The following CACNG8 variants were observed in gnomAD, a reference collection of about 807,000 sequenced individuals.
CACNG8 encodes calcium voltage-gated channel auxiliary subunit gamma 8, also known as voltage-dependent calcium channel gamma-8 subunit.
CACNG8 carries 5 observed loss-of-function variants against 26.9 expected under a neutral mutation model. The ratio of observed to expected loss-of-function variants is 0.19; its 90% CI spans 0.10 to 0.39. The LOEUF is 0.39. Among genes scored for constraint, CACNG8 ranks in the 10% least tolerant of loss-of-function variants. The pLI is 1.00. For synonymous variants in CACNG8, 321 were observed against 296.7 expected (o/e 1.08, Z -0.84); for missense variants, 473 against 609.4 (o/e 0.78, Z 2.36).
chr19:53,970,973 A>G (rs369254196), intron 1 of CACNG8, among the ~76,000 whole-genome samples: 2 of 151,014 alleles, frequency 1.3e-5, no homozygotes, highest in East Asian at 2.0e-4. Context: ...AAAAAAAGAA[A>G]TATAACATGG....
intron 2 of CACNG8, 90 bp from the exon 3 acceptor site, chr19:53,979,777 C>T (rs1172073077): frequency 2.5e-5 from 35 of 1,398,730 alleles, no homozygotes; most frequent in Non-Finnish European, 3.1e-5. Flanking sequence ...TCGGGAGGCG[C>T]CGCGAGATGG....
chr19:53,986,931 T>C lies in CACNG8; in HGVS notation c.*4082T>C, dbSNP rs535035954. Reference sequence around the variant, plus strand: ...GCCTGTGCGGTGAGCAGATCCACCATAGGACAGAGGCACAGGGTAGGGGCT... The same window carrying C: ...GCCTGTGCGGTGAGCAGATCCACCACAGGACAGAGGCACAGGGTAGGGGCT... On this transcript the variant is annotated 3_prime_UTR_variant, in exon 4 of 4. Coordinates refer to ENST00000270458, the MANE Select transcript of CACNG8 (RefSeq NM_031895.6). 10 of 152,214 alleles carry C rather than the reference T, an allele frequency of 6.6e-5. No homozygotes were observed. The highest frequency in any genetic ancestry group is 1.0e-4 in the Non-Finnish European group (7 of 68,092). The allele number at this position is 152,214 out of a possible 1,614,324, so 9.4% of individuals were successfully genotyped here. A position where few individuals can be genotyped will look rare whatever the true frequency, so the allele number is the denominator to read the frequency against.
chr19:53,977,239 C>T (rs1317188289), intron 1 of CACNG8, among the ~76,000 whole-genome samples: 1 of 152,160 alleles, frequency 6.6e-6, no homozygotes, highest in Admixed American at 6.5e-5. Context: ...TCCTGAGCTG[C>T]CTGCTGCAGG....
intron 1 of CACNG8, among the ~76,000 whole-genome samples, chr19:53,977,305 G>A (rs1285730487): frequency 6.6e-6 from 1 of 152,208 alleles, no homozygotes; most frequent in Non-Finnish European, 1.5e-5. Flanking sequence ...CATGGGCAGA[G>A]GTCTGCAGAA....
At chr19:53,981,284 A>G (rs1176495259) in intron 3 of CACNG8, among the ~76,000 whole-genome samples, 1 of 152,100 alleles carries the variant, frequency 6.6e-6, no homozygotes, top group Non-Finnish European at 1.5e-5. Context: ...GGGTGGAGGT[A>G]GACTAACTAG....
intron 3 of CACNG8, among the ~76,000 whole-genome samples, chr19:53,980,789 A>T (rs2069361969): frequency 6.6e-6 from 1 of 152,188 alleles, no homozygotes; most frequent in Non-Finnish European, 1.5e-5. Flanking sequence ...AGAGGCACGC[A>T]ATTAAGGGGT....
Position 53,987,887 on chromosome 19 carries a change from GGTGAC to G in CACNG8, c.*5042_*5046del, listed in dbSNP as rs1323895262. On this transcript the variant is annotated 3_prime_UTR_variant, in exon 4 of 4. Coordinates refer to ENST00000270458, the MANE Select transcript of CACNG8 (RefSeq NM_031895.6). ...ACGTCAACATAAAGCCACAGGATTGGGTGACGTGGCCTAGCAGGGGGGTGGGGACA... is the reference window on the plus strand; with the variant it reads ...ACGTCAACATAAAGCCACAGGATTGGGTGGCCTAGCAGGGGGGTGGGGACA... 1 of 152,096 alleles carries G rather than the reference GGTGAC, an allele frequency of 6.6e-6. No homozygotes were observed. The highest frequency in any genetic ancestry group is 2.4e-5 in the African/African-American group (1 of 41,378). 9.4% of individuals were successfully genotyped at this position (152,096 alleles called of 1,614,324 possible).
Position 53,986,934 on chromosome 19 carries a change from G to A in CACNG8, c.*4085G>A, listed in dbSNP as rs1455952830. Reference sequence around the variant, plus strand: ...TGTGCGGTGAGCAGATCCACCATAGGACAGAGGCACAGGGTAGGGGCTGAT... The same window carrying A: ...TGTGCGGTGAGCAGATCCACCATAGAACAGAGGCACAGGGTAGGGGCTGAT... On this transcript the variant is annotated 3_prime_UTR_variant, in exon 4 of 4. Transcript: ENST00000270458. 2 of 152,262 alleles carry A rather than the reference G, an allele frequency of 1.3e-5. No individual in the cohort carries two copies. Among genetic ancestry groups the A allele is most frequent in the Non-Finnish European group, 2.9e-5 (2 of 68,098 alleles). 9.4% of individuals were successfully genotyped at this position (152,262 alleles called of 1,614,324 possible).
In CACNG8 at chr19:53,982,816, C is replaced by T; in HGVS notation, c.1245C>T (p.Thr415=). Residue 415 remains threonine (T), a synonymous_variant, in exon 4 of 4, where the codon ACC becomes ACT. Coordinates refer to ENST00000270458, the MANE Select transcript of CACNG8 (RefSeq NM_031895.6). This position sits in a 1 kb window ranked among gnomAD's most constrained non-coding sequence, Gnocchi z 8.4. ...CCAAGGAGGCCGCCGCCTCCAACAC[C>T]AACACGCTCAACAGGAAAACCACGC... The T allele has an allele frequency of 7.3e-7, 1 of 1,374,688 alleles. No individual in the cohort carries two copies. Among genetic ancestry groups the T allele is most frequent in the South Asian group, 1.5e-5 (1 of 68,552 alleles). 85.2% of individuals were successfully genotyped at this position (1,374,688 alleles called of 1,614,324 possible).
intron 1 of CACNG8, among the ~76,000 whole-genome samples, chr19:53,966,144 G>A (rs2069271416): frequency 6.6e-6 from 1 of 152,074 alleles, no homozygotes; most frequent in Non-Finnish European, 1.5e-5. Context: ...CTGTAGTGCA[G>A]TGGCGTGATC....
intron 1 of CACNG8, among the ~76,000 whole-genome samples, chr19:53,967,439 G>A (rs1004515089): frequency 1.3e-5 from 2 of 152,184 alleles, no homozygotes; most frequent in Non-Finnish European, 2.9e-5. Flanking sequence ...AAGATTTCAG[G>A]CTTTGTGGAG....
At chr19:53,978,688 A>T (rs2069345029) in intron 2 of CACNG8, among the ~76,000 whole-genome samples, 1 of 129,984 alleles carries the variant, frequency 7.7e-6, no homozygotes, top group Admixed American at 9.2e-5. Flanking sequence ...GGCCTCAGCC[A>T]GGTTCCGAAA....
chr19:53,980,636 G>C (rs1341774702), intron 3 of CACNG8, among the ~76,000 whole-genome samples: 5 of 152,190 alleles, frequency 3.3e-5, no homozygotes, highest in Non-Finnish European at 1.5e-5. Flanking sequence ...AAAGCCAAAG[G>C]GGGAGGGGTT....
intron 1 of CACNG8, among the ~76,000 whole-genome samples, chr19:53,976,491 G>A (rs2069330864): frequency 6.6e-6 from 1 of 152,190 alleles, no homozygotes; most frequent in African/African-American, 2.4e-5. Flanking sequence ...ACGCACATTA[G>A]CTCTTGCCAG....
intron 1 of CACNG8, among the ~76,000 whole-genome samples, chr19:53,975,764 A>G (rs1427627741): frequency 6.6e-6 from 1 of 152,248 alleles, no homozygotes; most frequent in Non-Finnish European, 1.5e-5. Context: ...TACAGTGTCG[A>G]ACAGCCCAGA....
chr19:53,979,753 G>C (rs1420736767), intron 2 of CACNG8, 114 bp from the exon 3 acceptor site: 1 of 1,084,368 alleles, frequency 9.2e-7, no homozygotes, highest in Non-Finnish European at 1.3e-6. Context: ...CGGAGAGAGA[G>C]AATCACAGAA....
At chr19:53,980,267 G>A (rs1042733220) in intron 3 of CACNG8, among the ~76,000 whole-genome samples, 5 of 152,110 alleles carry the variant, frequency 3.3e-5, no homozygotes, top group African/African-American at 1.2e-4. Context: ...GCAGGTGTCT[G>A]GCGCGTAAGA....
intron 1 of CACNG8, among the ~76,000 whole-genome samples, chr19:53,977,465 G>A (rs1451542362): frequency 6.6e-6 from 1 of 152,124 alleles, no homozygotes; most frequent in Non-Finnish European, 1.5e-5. Context: ...AGGGGAAGGA[G>A]ATGAGGATGC....
Position 53,982,816 on chromosome 19 carries a change from C to CAACA in CACNG8, c.1246_1249dup (p.Thr417LysfsTer81). The CAACA allele has an allele frequency of 7.3e-7, 1 of 1,374,688 alleles. No homozygotes were observed. Among genetic ancestry groups the CAACA allele is most frequent in the Non-Finnish European group, 9.5e-7 (1 of 1,057,676 alleles). The allele number at this position is 1,374,688 out of a possible 1,614,324, so 85.2% of individuals were successfully genotyped here. A position where few individuals can be genotyped will look rare whatever the true frequency, so the allele number is the denominator to read the frequency against. On this transcript the variant is annotated frameshift_variant, in exon 4 of 4. Coordinates refer to ENST00000270458, the MANE Select transcript of CACNG8 (RefSeq NM_031895.6). LOFTEE classifies it high-confidence loss of function. This position sits in a 1 kb window ranked among gnomAD's most constrained non-coding sequence, Gnocchi z 8.4. ...CCAAGGAGGCCGCCGCCTCCAACAC[C>CAACA]AACACGCTCAACAGGAAAACCACGC...
Sources: gnomAD v4.1 joint callset for allele counts (sites outside exome capture counted in the v4.1 genomes callset) on GRCh38, gnomAD v4.1.1 for gene constraint, Gnocchi (gnomAD v3.1) non-coding constraint, MANE v1.5 for transcripts, NCBI Gene and HGNC (gene_info 2026-07-23, HGNC 2026-07-21) for gene names.